UNC13B: variants seen among roughly 807,000 people sequenced by gnomAD.
UNC13B encodes protein unc-13 homolog B.
A neutral mutation model predicts 211.0 loss-of-function variants in UNC13B; 144 were observed. The observed-to-expected ratio is 0.68, with a 90% CI of 0.60 to 0.78. UNC13B has a LOEUF of 0.78. UNC13B is among the 30% of genes least tolerant of loss of function. UNC13B has a pLI of 0.00. For synonymous variants in UNC13B, 709 were observed against 725.8 expected (o/e 0.98, Z 0.37); for missense variants, 1,777 against 2,002.0 (o/e 0.89, Z 2.14).
intron 11 of UNC13B, chr9:35,353,602 A>T: frequency 8.1e-7 from 1 of 1,232,146 alleles, no homozygotes; most frequent in Non-Finnish European, 1.0e-6. Flanking sequence ...CTCTGGCTCC[A>T]TGTCTGGGAA....
chr9:35,249,504 T>G (rs1435643148), intron 6 of UNC13B, among the ~76,000 whole-genome samples: 1 of 152,228 alleles, frequency 6.6e-6, no homozygotes, highest in African/African-American at 2.4e-5. Flanking sequence ...CGGTTGTTCC[T>G]TTCCATGTTT....
intron 7 of UNC13B, among the ~76,000 whole-genome samples, chr9:35,274,744 CATAAT>C (rs1228431111): frequency 6.6e-6 from 1 of 152,118 alleles, no homozygotes; most frequent in African/African-American, 2.4e-5. Context: ...TTCTTGAAGC[CATAAT>C]ATAATATGTA....
intron 11 of UNC13B, among the ~76,000 whole-genome samples, chr9:35,319,955 G>T (rs1444448118): frequency 2.0e-5 from 3 of 152,086 alleles, no homozygotes; most frequent in Non-Finnish European, 4.4e-5. Context: ...TTATAGGCCT[G>T]GCCCCTAGCT....
At chr9:35,295,599 C>T in intron 7 of UNC13B, 97 bp from the exon 8 acceptor site, 1 of 1,196,794 alleles carries the variant, frequency 8.4e-7, no homozygotes, top group Non-Finnish European at 1.2e-6. Context: ...CTTTTGTTCT[C>T]AAGGTCCAGA....
chr9:35,322,006 C>G (rs1325017546), intron 11 of UNC13B, among the ~76,000 whole-genome samples: 1 of 152,180 alleles, frequency 6.6e-6, no homozygotes, highest in Non-Finnish European at 1.5e-5. Flanking sequence ...TTGAATATAT[C>G]TCATAAGTTT....
chr9:35,203,525 C>T (rs1823448153), intron 1 of UNC13B, among the ~76,000 whole-genome samples: 1 of 152,222 alleles, frequency 6.6e-6, no homozygotes, highest in South Asian at 2.1e-4. Context: ...GCCAAGAGAT[C>T]TGCTGTTAGT....
chr9:35,169,082 G>A (rs1821201611), intron 1 of UNC13B, among the ~76,000 whole-genome samples: 1 of 152,188 alleles, frequency 6.6e-6, no homozygotes, highest in Non-Finnish European at 1.5e-5. Context: ...CAGGTGAGGT[G>A]GCTCATGCCT....
At position 35,399,281 on chromosome 9, in the gene UNC13B, G is replaced by C; in HGVS notation, c.12195G>C (p.Gln4065His). 6.2e-7 allele frequency: 1 copy of C among 1,614,148 alleles called. No individual in the cohort carries two copies. Among genetic ancestry groups the C allele is most frequent in the African/African-American group, 1.3e-5 (1 of 75,022 alleles). ...RMIVLPPLTD[Q>H]TGTQLIFTAA... ...TTGTTCTGCCCCCACTCACTGACCA[G>C]ACGGTAAGGACACCTCCTTCCACTT... is the stretch of plus-strand genomic sequence containing the variant. The change falls in exon 34 of 40, where the codon CAG becomes CAC. Residue 4065 changes from glutamine (Q) to histidine (H), a missense_variant. Transcript: ENST00000635942.
At chr9:35,310,076 G>A (rs1169916597) in intron 9 of UNC13B, among the ~76,000 whole-genome samples, 1 of 152,188 alleles carries the variant, frequency 6.6e-6, no homozygotes, top group Non-Finnish European at 1.5e-5. Flanking sequence ...CCATTTTACT[G>A]TGTGGAAATT....
At chr9:35,367,121 T>A (rs1002382564) in intron 12 of UNC13B, 128 bp downstream of exon 12, 3 of 934,652 alleles carry the variant, frequency 3.2e-6, no homozygotes, top group Admixed American at 2.1e-5. Context: ...GGTTCCACTA[T>A]AGGTTGGTTG....
chr9:35,277,923 A>C (rs555010705), intron 7 of UNC13B, among the ~76,000 whole-genome samples: 2 of 152,262 alleles, frequency 1.3e-5, no homozygotes, highest in African/African-American at 4.8e-5. Context: ...CGAGGTGGCA[A>C]AGGAATAAAT....
intron 11 of UNC13B, among the ~76,000 whole-genome samples, chr9:35,344,391 C>T (rs962155569): frequency 6.6e-6 from 1 of 152,106 alleles, no homozygotes; most frequent in Non-Finnish European, 1.5e-5. Context: ...AAACCTAGAA[C>T]TTGAATGCAG....
intron 1 of UNC13B, among the ~76,000 whole-genome samples, chr9:35,182,339 C>T (rs1821983034): frequency 6.6e-6 from 1 of 152,024 alleles, no homozygotes; most frequent in Non-Finnish European, 1.5e-5. Flanking sequence ...CAGTCTTCCT[C>T]AGTCTTCTGC....
At chr9:35,289,752 G>A (rs535783847) in intron 7 of UNC13B, among the ~76,000 whole-genome samples, 7 of 152,252 alleles carry the variant, frequency 4.6e-5, no homozygotes, top group Admixed American at 3.3e-4. Context: ...TGAGGCGGGT[G>A]GATCACTGGA....
Position 35,377,456 on chromosome 9 carries a change from G to A in UNC13B, c.9836-12G>A, listed in dbSNP as rs756718641. ...CTGGTAGGTGACCTGTTGTGTTCCT[G>A]GCCACCTTCAGGGGCTGCAGAAAAG... On this transcript the variant is annotated splice_polypyrimidine_tract_variant and intron_variant, in intron 15 of 39. Coordinates refer to ENST00000635942, the MANE Select transcript of UNC13B (RefSeq NM_001371189.2). 2.5e-6 allele frequency: 4 copies of A among 1,613,980 alleles called. No individual in the cohort carries two copies. Among genetic ancestry groups the A allele is most frequent in the Non-Finnish European group, 3.4e-6 (4 of 1,179,910 alleles).
chr9:35,368,649 C>T (rs1370766783), intron 12 of UNC13B, among the ~76,000 whole-genome samples: 3 of 151,246 alleles, frequency 2.0e-5, no homozygotes, highest in Non-Finnish European at 2.9e-5. Flanking sequence ...CTTTCCACAA[C>T]GGTTGAACTA....
intron 1 of UNC13B, among the ~76,000 whole-genome samples, chr9:35,212,308 C>G: frequency 6.6e-6 from 1 of 152,356 alleles, no homozygotes; most frequent in East Asian, 1.9e-4. Context: ...CGCACTGGCT[C>G]ATGCCTGTAA....
Position 35,376,146 on chromosome 9 carries a change from G to T in UNC13B, c.9734G>T (p.Gly3245Val), listed in dbSNP as rs1304131246. ...TTPTYCYECE[G>V]LLWGIARQGM... ...CCAACCTACTGCTATGAGTGTGAAG[G>T]CCTGCTCTGGGGCATTGCCCGGCAG... Residue 3245 changes from glycine (G) to valine (V), a missense_variant, in exon 15 of 40, where the codon GGC becomes GTC. Physicochemically the swap from Gly to Val is moderately radical, Grantham distance 109. Coordinates refer to ENST00000635942, the MANE Select transcript of UNC13B (RefSeq NM_001371189.2). The T allele has an allele frequency of 1.2e-6, 2 of 1,614,230 alleles. No homozygotes were observed. Among genetic ancestry groups the T allele is most frequent in the Non-Finnish European group, 1.7e-6 (2 of 1,180,032 alleles).
At chr9:35,183,207 C>T (rs1822062335) in intron 1 of UNC13B, among the ~76,000 whole-genome samples, 6 of 141,220 alleles carry the variant, frequency 4.2e-5, no homozygotes, top group Admixed American at 1.4e-4. Flanking sequence ...AGACGATGGG[C>T]GGTCGGGCAG....
Sources: allele counts gnomAD v4.1 joint callset (sites outside exome capture counted in the v4.1 genomes callset), GRCh38; gene constraint gnomAD v4.1.1; transcripts MANE v1.5; gene names NCBI Gene and HGNC (gene_info 2026-07-23, HGNC 2026-07-21).